PCDHGA1: variants seen among roughly 807,000 people sequenced by gnomAD.
PCDHGA1 encodes protocadherin gamma subfamily A, 1, also known as protocadherin gamma-A1.
In PCDHGA1, 32 loss-of-function variants were observed where a neutral mutation model predicts 58.0. The ratio of observed to expected loss-of-function variants is 0.55; its 90% confidence interval spans 0.42 to 0.74. The LOEUF is 0.74. PCDHGA1 is among the 30% of genes least tolerant of loss of function. PCDHGA1 has a pLI of 0.00. For missense variants in PCDHGA1, 1,205 were observed against 1,182.3 expected (o/e 1.02, Z -0.28); for synonymous variants, 498 against 501.1 (o/e 0.99, Z 0.08).
rs148798222 is a variant in PCDHGA1, at chr5:141,432,106, G to A, written c.2422-62701G>A. On this transcript the variant is annotated intron_variant, in intron 1 of 3. Coordinates refer to ENST00000517417, the MANE Select transcript of PCDHGA1 (RefSeq NM_018912.3). This position sits in a 1 kb window ranked among gnomAD's most constrained non-coding sequence, Gnocchi z 6.0. The stretch of plus-strand genomic sequence containing the variant: ...ACGTGGCAGACACCAACGACAACCC[G>A]CCGGTCTTCCCTCAGGCCTCCTATT... 4 of 1,614,068 alleles carry A rather than the reference G, an allele frequency of 2.5e-6. No homozygotes were observed. Among genetic ancestry groups the A allele is most frequent in the Non-Finnish European group, 3.4e-6 (4 of 1,180,020 alleles).
At position 141,476,455 on chromosome 5, in the gene PCDHGA1, G is replaced by A. The variant is rs572682842; in HGVS notation, c.2422-18352G>A. The A allele has an allele frequency of 1.2e-6, 2 of 1,614,034 alleles. No individual in the cohort carries two copies. The highest frequency in any genetic ancestry group is 2.2e-5 in the South Asian group (2 of 91,084). ...CTGTAACTCTGGAGTTGGTAGTGGA[G>A]AACCCGCTGGAGCTGTTCAGCGTGG... On this transcript the variant is annotated intron_variant, in intron 1 of 3. Coordinates refer to ENST00000517417, the MANE Select transcript of PCDHGA1 (RefSeq NM_018912.3). This position sits in a 1 kb window ranked among gnomAD's most constrained non-coding sequence, Gnocchi z 7.6.
chr5:141,491,616 C>T lies in PCDHGA1; in HGVS notation c.2422-3191C>T. 1 of 1,613,944 alleles carries T rather than the reference C, an allele frequency of 6.2e-7. No homozygotes were observed. Among genetic ancestry groups the T allele is most frequent in the South Asian group, 1.1e-5 (1 of 91,082 alleles). On this transcript the variant is annotated intron_variant, in intron 1 of 3. Coordinates refer to ENST00000517417, the MANE Select transcript of PCDHGA1 (RefSeq NM_018912.3). The surrounding 1 kb of genome is among the most constrained non-coding windows in gnomAD (Gnocchi z 6.9). ...GCAGTGACTTCACTTTTCTAAGACC[C>T]CTCAGCGTTCAGCAGCCCACAGCTC...
At chr5:141,338,661 CAAG>C in intron 1 of PCDHGA1, 3 of 280,046 alleles carry the variant, frequency 1.1e-5, no homozygotes, top group Non-Finnish European at 1.8e-5. Flanking sequence ...GGCAAACAAA[CAAG>C]AAGTAACTTA....
At chr5:141,465,522 G>A (rs1416012695) in intron 1 of PCDHGA1, among the ~76,000 whole-genome samples, 1 of 152,112 alleles carries the variant, frequency 6.6e-6, no homozygotes, top group Non-Finnish European at 1.5e-5. Context: ...AGGATTCTGG[G>A]GAAGTTTTCC....
intron 1 of PCDHGA1, among the ~76,000 whole-genome samples, chr5:141,462,399 T>C (rs2099038838): frequency 6.6e-6 from 1 of 152,236 alleles, no homozygotes; most frequent in South Asian, 2.1e-4. Flanking sequence ...ATTTCTTTTA[T>C]GGCACAGAAT....
chr5:141,372,233 G>C, intron 1 of PCDHGA1: 1 of 1,613,368 alleles, frequency 6.2e-7, no homozygotes, highest in Non-Finnish European at 8.5e-7. Flanking sequence ...AGGCCAGCGA[G>C]CCCGGGCTGT....
rs765318875 is a variant in PCDHGA1 at position 141,489,896 on chromosome 5, C to A, written c.2422-4911C>A. On this transcript the variant is annotated intron_variant, in intron 1 of 3. Coordinates refer to ENST00000517417, the MANE Select transcript of PCDHGA1 (RefSeq NM_018912.3). This position sits in a 1 kb window ranked among gnomAD's most constrained non-coding sequence, Gnocchi z 4.5. ...GTGCTTACTGCTGTGGATGGGGGGA[C>A]CCCAGCCCGCTCAGGGACCACCCTT... 5 of 1,614,062 alleles carry A rather than the reference C, an allele frequency of 3.1e-6. No homozygotes were observed.
chr5:141,341,075 T>G lies in PCDHGA1; in HGVS notation c.2421+7970T>G, dbSNP rs1757019443. 1.9e-6 allele frequency: 3 copies of G among 1,614,220 alleles called. No homozygotes were observed. In the South Asian group the frequency reaches 3.3e-5, roughly 18 times the overall value. ...GGTGGTGGCGGTGGCCGCGGTCTCC[T>G]GCGTCTTCCTGGCCTTCGTCATCGT... is the stretch of plus-strand genomic sequence containing the variant. On this transcript the variant is annotated intron_variant, in intron 1 of 3. Coordinates refer to ENST00000517417, the MANE Select transcript of PCDHGA1 (RefSeq NM_018912.3).
At position 141,511,106 on chromosome 5, in the gene PCDHGA1, G is replaced by T. The variant is rs536900646; in HGVS notation, c.2729G>T (p.Arg910Leu). ...NATLTNAAGK[R>L]DGKAPAGGNG... is the part of the protein sequence containing the mutation. Reference sequence around the variant, plus strand: ...ACACTGACCAACGCAGCTGGCAAGCGGGATGGCAAGGCCCCAGCAGGTGGC... The same window carrying T: ...ACACTGACCAACGCAGCTGGCAAGCTGGATGGCAAGGCCCCAGCAGGTGGC... Residue 910 changes from arginine to leucine, a missense_variant, in exon 4 of 4, where the codon CGG becomes CTG. Transcript: ENST00000517417. 8.7e-6 allele frequency: 14 copies of T among 1,614,196 alleles called. No individual in the cohort carries two copies. Among genetic ancestry groups the T allele is most frequent in the Non-Finnish European group, 1.2e-5 (14 of 1,180,016 alleles).
intron 1 of PCDHGA1, chr5:141,360,527 C>G (rs763036184): frequency 1.2e-6 from 2 of 1,613,910 alleles, no homozygotes; most frequent in East Asian, 4.5e-5. Context: ...GATAATACCC[C>G]GCTATTCAAA....
intron 1 of PCDHGA1, chr5:141,362,500 C>G (rs779723361): frequency 6.2e-7 from 1 of 1,614,012 alleles, no homozygotes; most frequent in South Asian, 1.1e-5. Context: ...CTCTTGGGAA[C>G]AAAATACAAA....
chr5:141,376,055 G>A lies in PCDHGA1; in HGVS notation c.2421+42950G>A, dbSNP rs746662537. On this transcript the variant is annotated intron_variant, in intron 1 of 3. Transcript: ENST00000517417. ...CGGCCAGCCCCCTCTCTCCGCCACTGTCACGCTCACCGTGGCCGTGGCCGA... is the reference window on the plus strand; with the variant it reads ...CGGCCAGCCCCCTCTCTCCGCCACTATCACGCTCACCGTGGCCGTGGCCGA... 4.3e-6 allele frequency: 7 copies of A among 1,613,232 alleles called. No homozygotes were observed. In the Admixed American group the frequency reaches 6.7e-5, roughly 15 times the overall value.
intron 1 of PCDHGA1, among the ~76,000 whole-genome samples, chr5:141,492,920 G>A (rs2099745093): frequency 6.6e-6 from 1 of 152,198 alleles, no homozygotes; most frequent in African/African-American, 2.4e-5. Context: ...TGTGCCCAGC[G>A]ATCTAGGGTC....
At chr5:141,400,161 T>A (rs1271912348) in intron 1 of PCDHGA1, 1 of 1,614,084 alleles carries the variant, frequency 6.2e-7, no homozygotes, top group South Asian at 1.1e-5. Flanking sequence ...CTGTACCCTC[T>A]GACCCCCAGG....
At chr5:141,374,942 A>C (rs758134474) in intron 1 of PCDHGA1, 3 of 1,614,044 alleles carry the variant, frequency 1.9e-6, no homozygotes, top group Non-Finnish European at 2.5e-6. Flanking sequence ...GATTACAGAA[A>C]AGATCTCACA....
In PCDHGA1 at chr5:141,345,639, G is replaced by A. The variant is rs764564541; in HGVS notation, c.2421+12534G>A. The A allele has an allele frequency of 2.5e-6, 4 of 1,614,180 alleles. No homozygotes were observed. In the East Asian group the frequency reaches 6.7e-5, roughly 27 times the overall value. On this transcript the variant is annotated intron_variant, in intron 1 of 3. Transcript: ENST00000517417. ...CTTAAAGCTACTGGTGACAGCCAGC[G>A]ACAGCGGGAACCCTCCACTCAGCAG...
At position 141,345,812 on chromosome 5, in the gene PCDHGA1, G is replaced by T. The variant is rs750444866; in HGVS notation, c.2421+12707G>T. The T allele has an allele frequency of 1.5e-5, 25 of 1,613,746 alleles. No individual in the cohort carries two copies. In the East Asian group the frequency reaches 4.2e-4, roughly 27 times the overall value. On this transcript the variant is annotated intron_variant, in intron 1 of 3. Coordinates refer to ENST00000517417, the MANE Select transcript of PCDHGA1 (RefSeq NM_018912.3). ...GCTACCTGGTGACCAAGGTGGTGGC[G>T]GTGGACAGAGACTCGGGCCAGAACG...
At chr5:141,339,658 C>A (rs761489686) in intron 1 of PCDHGA1, 2 of 1,614,170 alleles carry the variant, frequency 1.2e-6, no homozygotes, top group Non-Finnish European at 1.7e-6. Flanking sequence ...CCCGCATCTG[C>A]GTGAAGGTCC....
At chr5:141,377,605 C>T (rs572021306) in intron 1 of PCDHGA1, 1 of 140,680 alleles carries the variant, frequency 7.1e-6, no homozygotes, top group Admixed American at 7.1e-5. Context: ...CTCTCTCTCT[C>T]AAAAAAAAAA....
Sources: allele counts gnomAD v4.1 joint callset (sites outside exome capture counted in the v4.1 genomes callset), GRCh38; gene constraint gnomAD v4.1.1; non-coding constraint Gnocchi (gnomAD v3.1); transcripts MANE v1.5; gene names NCBI Gene and HGNC (gene_info 2026-07-23, HGNC 2026-07-21).